TMEM135: variants seen among roughly 807,000 people sequenced by gnomAD.
TMEM135 encodes transmembrane protein 135, also known as peroxisomal membrane protein 52.
TMEM135 carries 30 observed loss-of-function variants against 60.3 expected under a neutral mutation model. The ratio of observed to expected loss-of-function variants is 0.50; its 90% confidence interval spans 0.37 to 0.68. The LOEUF (loss-of-function observed/expected upper bound fraction) is 0.68, where lower values mean the gene tolerates loss of function less well. Ranked by LOEUF, TMEM135 falls within the 30% of genes least tolerant of loss-of-function variation. The pLI is 0.00. For synonymous variants in TMEM135, 190 were observed against 186.7 expected (o/e 1.02, Z -0.14); for missense variants, 468 against 548.8 (o/e 0.85, Z 1.47).
chr11:87,082,923 C>T (rs1857021282), intron 3 of TMEM135, among the ~76,000 whole-genome samples: 1 of 152,092 alleles, frequency 6.6e-6, no homozygotes, highest in Non-Finnish European at 1.5e-5. Context: ...ATCAGTTTTT[C>T]AAAAAGTATT....
chr11:87,278,710 A>C (rs670869), intron 6 of TMEM135, among the ~76,000 whole-genome samples: 24 of 152,316 alleles, frequency 1.6e-4, no homozygotes, highest in Non-Finnish European at 2.6e-4. Context: ...ATTTATATAC[A>C]ATAAAAATAT....
At chr11:87,240,945 T>C (rs1941120172) in intron 6 of TMEM135, among the ~76,000 whole-genome samples, 1 of 152,106 alleles carries the variant, frequency 6.6e-6, no homozygotes, top group African/African-American at 2.4e-5. Flanking sequence ...AGTAGAAATA[T>C]CTTAAATAAT....
chr11:87,267,368 C>G (rs574265806), intron 6 of TMEM135, among the ~76,000 whole-genome samples: 4 of 151,946 alleles, frequency 2.6e-5, no homozygotes, highest in African/African-American at 9.7e-5. Flanking sequence ...TTCTAATTTC[C>G]TTCTTTTACA....
chr11:87,203,104 C>T (rs1014674601), intron 5 of TMEM135, among the ~76,000 whole-genome samples: 8 of 149,152 alleles, frequency 5.4e-5, no homozygotes, highest in Non-Finnish European at 7.4e-5. Flanking sequence ...AGAGATTTCT[C>T]ATATACCCAA....
chr11:87,313,549 G>C, intron 11 of TMEM135, 61 bp downstream of exon 11: 1 of 1,364,806 alleles, frequency 7.3e-7, no homozygotes, highest in Non-Finnish European at 1.0e-6. Context: ...GAATGAATTG[G>C]AAATACCATC....
intron 5 of TMEM135, among the ~76,000 whole-genome samples, chr11:87,230,058 C>T (rs925406403): frequency 1.3e-5 from 2 of 151,882 alleles, no homozygotes; most frequent in African/African-American, 4.8e-5. Flanking sequence ...TTTTCATTTC[C>T]CCCAAAGAAT....
chr11:87,228,468 G>T (rs1940814387), intron 5 of TMEM135, among the ~76,000 whole-genome samples: 1 of 152,126 alleles, frequency 6.6e-6, no homozygotes, highest in Non-Finnish European at 1.5e-5. Context: ...TACAGACGGC[G>T]CAAGAGGAAG....
intron 5 of TMEM135, among the ~76,000 whole-genome samples, chr11:87,169,435 G>A (rs971198417): frequency 2.7e-4 from 41 of 151,828 alleles, no homozygotes; most frequent in Non-Finnish European, 4.4e-5. Context: ...TGCAGTGGCT[G>A]GTACTGGTTT....
intron 6 of TMEM135, among the ~76,000 whole-genome samples, chr11:87,268,370 C>G (rs946404305): frequency 2.6e-5 from 4 of 151,774 alleles, no homozygotes; most frequent in African/African-American, 9.7e-5. Flanking sequence ...CCCACCTTGG[C>G]CTCCCAAAGT....
intron 5 of TMEM135, among the ~76,000 whole-genome samples, chr11:87,212,831 A>ATGGTCTGATTTTGG (rs1940405986): frequency 6.6e-6 from 1 of 151,756 alleles, no homozygotes; most frequent in East Asian, 1.9e-4. Context: ...TTGGAAAAAA[A>ATGGTCTGATTTTGG]AAAAAAAAAA....
At chr11:87,238,178 C>A (rs1941048146) in intron 6 of TMEM135, among the ~76,000 whole-genome samples, 1 of 151,730 alleles carries the variant, frequency 6.6e-6, no homozygotes, top group African/African-American at 2.4e-5. Flanking sequence ...TGAGTATATA[C>A]CCAGCAGTGG....
At chr11:87,064,396 C>T (rs979125995) in intron 1 of TMEM135, among the ~76,000 whole-genome samples, 1 of 151,824 alleles carries the variant, frequency 6.6e-6, no homozygotes, top group East Asian at 1.9e-4. Context: ...ATTGTTTCAT[C>T]TTGCAAAGTA....
At chr11:87,260,890 T>C (rs2044386021) in intron 6 of TMEM135, among the ~76,000 whole-genome samples, 1 of 152,078 alleles carries the variant, frequency 6.6e-6, no homozygotes, top group South Asian at 2.1e-4. Flanking sequence ...TAAGATTCAG[T>C]AGGTCTGGGG....
chr11:87,326,738 A>G lies in TMEM135; in HGVS notation c.*5405A>G, dbSNP rs1272001294. 6.7e-6 allele frequency: 3 copies of G among 446,774 alleles called. No individual in the cohort carries two copies. Among genetic ancestry groups the G allele is most frequent in the South Asian group, 4.8e-5 (3 of 62,182 alleles). 27.7% of individuals were successfully genotyped at this position (446,774 alleles called of 1,614,324 possible). A position where few individuals can be genotyped will look rare whatever the true frequency, so the allele number is the denominator to read the frequency against. On this transcript the variant is annotated 3_prime_UTR_variant, in exon 15 of 15. Transcript: ENST00000305494. ...TTCTATTTATTTCAGGGAAAATTGA[A>G]GGTAAATAATATCTGCAAAGCTTCA...
chr11:87,047,062 T>A (rs141994404), intron 1 of TMEM135, among the ~76,000 whole-genome samples: 5 of 152,298 alleles, frequency 3.3e-5, no homozygotes, highest in African/African-American at 1.2e-4. Context: ...GACTTTCCAA[T>A]GCAATACAAT....
chr11:87,328,519 A>G lies in TMEM135; in HGVS notation c.*7186A>G, dbSNP rs748987623. The G allele has an allele frequency of 1.1e-5, 5 of 453,954 alleles. No homozygotes were observed. Among genetic ancestry groups the G allele is most frequent in the South Asian group, 6.2e-5 (4 of 64,484 alleles). The allele number at this position is 453,954 out of a possible 1,614,324, so 28.1% of individuals were successfully genotyped here. A position where few individuals can be genotyped will look rare whatever the true frequency, so the allele number is the denominator to read the frequency against. ...TTATTCCTTCCCCTTCTGAGTCTCC[A>G]TAGTCCATTATATCACTCTGTATAC... is the stretch of plus-strand genomic sequence containing the variant. On this transcript the variant is annotated 3_prime_UTR_variant, in exon 15 of 15. Transcript: ENST00000305494.
rs1292919067 is a variant in TMEM135, at chr11:87,283,234, T to TGAC, written c.510-12547_510-12545dup. 2.6e-5 allele frequency among the ~76,000 whole-genome samples: 4 copies of TGAC among 151,612 alleles called. No homozygotes were observed. The East Asian group carries it at 7.8e-4, about 30-fold the overall frequency. On this transcript the variant is annotated intron_variant, in intron 6 of 14. Transcript: ENST00000305494. ...CTGTAATCCCAGCTACTTGGGAGGC[T>TGAC]GACACAGGAGAATTGTTTGAACCCG...
At chr11:87,310,521 C>G (rs1253265737) in intron 10 of TMEM135, among the ~76,000 whole-genome samples, 1 of 151,634 alleles carries the variant, frequency 6.6e-6, no homozygotes, top group African/African-American at 2.4e-5. Context: ...AAACTAGTGC[C>G]TGGGTATTGG....
At chr11:87,295,104 T>C (rs1942327056) in intron 6 of TMEM135, among the ~76,000 whole-genome samples, 1 of 151,974 alleles carries the variant, frequency 6.6e-6, no homozygotes, top group African/African-American at 2.4e-5. Context: ...TAGAGAAAAA[T>C]CTCTATTCAT....
Sources: allele counts gnomAD v4.1 joint callset (sites outside exome capture counted in the v4.1 genomes callset), GRCh38; gene constraint gnomAD v4.1.1; transcripts MANE v1.5; gene names NCBI Gene and HGNC (gene_info 2026-07-23, HGNC 2026-07-21).